The following HSD17B3 variants were observed in gnomAD, a reference collection of about 807,000 sequenced individuals.
HSD17B3 encodes the protein hydroxysteroid 17-beta dehydrogenase 3.
HSD17B3 carries 29 observed loss-of-function variants against 41.1 expected under a neutral mutation model. The ratio of observed to expected loss-of-function variants is 0.71; its 90% CI spans 0.53 to 0.96. HSD17B3 has a LOEUF of 0.96. Among genes scored for constraint, HSD17B3 ranks in the 40% least tolerant of loss-of-function variants. The probability of loss-of-function intolerance (pLI) is 0.00; values close to 1 mark genes in which losing one functional copy is unlikely to be tolerated. For missense variants in HSD17B3, 323 were observed against 374.6 expected (o/e 0.86, Z 1.14); for synonymous variants, 126 against 145.6 (o/e 0.87, Z 0.97).
chr9:96,288,116 C>T (rs532422902), intron 2 of HSD17B3, among the ~76,000 whole-genome samples: 81 of 152,264 alleles, frequency 5.3e-4, no homozygotes, highest in Admixed American at 6.5e-4. Flanking sequence ...CAGCCTAGGG[C>T]TAGGGATAGG....
chr9:96,277,220 T>C (rs945634192), intron 2 of HSD17B3, among the ~76,000 whole-genome samples: 14 of 141,346 alleles, frequency 9.9e-5, no homozygotes, highest in Admixed American at 4.9e-4. Context: ...AGAAAGAAAA[T>C]GCATCAAACT....
rs911099448 is a variant in HSD17B3, at chr9:96,254,779, G to A, written c.277+89C>T. ...TGCCCCAGGCTCTGAGAGCAGATGTGGGGATGCCAAGTACATCAACTGGCA... is the reference window on the plus strand; with the variant it reads ...TGCCCCAGGCTCTGAGAGCAGATGTAGGGATGCCAAGTACATCAACTGGCA... On this transcript the variant is annotated intron_variant, in intron 3 of 10. Coordinates refer to ENST00000375263, the MANE Select transcript of HSD17B3 (RefSeq NM_000197.2). 30 of 1,104,682 alleles carry A rather than the reference G, an allele frequency of 2.7e-5. No homozygotes were observed. In the Admixed American group the frequency reaches 4.0e-4, roughly 15 times the overall value. 68.4% of individuals were successfully genotyped at this position (1,104,682 alleles called of 1,614,324 possible).
chr9:96,248,906 CAT>C (rs1836780444), intron 6 of HSD17B3, among the ~76,000 whole-genome samples: 1 of 145,884 alleles, frequency 6.9e-6, no homozygotes, highest in African/African-American at 2.5e-5. Context: ...GATCCACAGC[CAT>C]TTTTTTTTTT....
chr9:96,258,895 A>C (rs1825761474), intron 2 of HSD17B3, among the ~76,000 whole-genome samples: 1 of 152,208 alleles, frequency 6.6e-6, no homozygotes, highest in African/African-American at 2.4e-5. Flanking sequence ...CAATTTCAGC[A>C]GTTTAACACA....
At chr9:96,253,580 C>T (rs867474591) in intron 3 of HSD17B3, among the ~76,000 whole-genome samples, 3 of 152,112 alleles carry the variant, frequency 2.0e-5, no homozygotes, top group Non-Finnish European at 4.4e-5. Context: ...CAAGACCATC[C>T]ACTCTCTGGT....
At chr9:96,290,173 C>T (rs958765714) in intron 2 of HSD17B3, among the ~76,000 whole-genome samples, 3 of 152,120 alleles carry the variant, frequency 2.0e-5, no homozygotes, top group African/African-American at 4.8e-5. Context: ...CCATCCCTCT[C>T]CACAATTTTT....
At chr9:96,286,179 A>T (rs1354495442) in intron 2 of HSD17B3, among the ~76,000 whole-genome samples, 11 of 152,160 alleles carry the variant, frequency 7.2e-5, no homozygotes, top group Admixed American at 7.2e-4. Context: ...CTCCATCTCT[A>T]CTAAAACTAC....
intron 2 of HSD17B3, among the ~76,000 whole-genome samples, chr9:96,291,655 A>G (rs1827163468): frequency 6.6e-6 from 1 of 152,168 alleles, no homozygotes; most frequent in Non-Finnish European, 1.5e-5. Flanking sequence ...CAAGGTTTGG[A>G]GCATAAAAAT....
intron 1 of HSD17B3, among the ~76,000 whole-genome samples, chr9:96,301,713 A>G (rs1827616656): frequency 6.7e-6 from 1 of 150,010 alleles, no homozygotes; most frequent in African/African-American, 2.5e-5. Flanking sequence ...TCTGTCTCAA[A>G]AAAAAAAAAA....
At chr9:96,281,960 G>A (rs1001544009) in intron 2 of HSD17B3, among the ~76,000 whole-genome samples, 4 of 152,134 alleles carry the variant, frequency 2.6e-5, no homozygotes, top group African/African-American at 9.7e-5. Flanking sequence ...TTGATTAATG[G>A]GAAAAAGGAT....
chr9:96,255,044 G>C (rs974374582), intron 2 of HSD17B3, 101 bp from the exon 3 acceptor site: 21 of 964,840 alleles, frequency 2.2e-5, no homozygotes, highest in African/African-American at 3.2e-5. Flanking sequence ...ATACTGGCAG[G>C]GTGACATGGT....
chr9:96,293,436 C>T (rs542640297), intron 2 of HSD17B3, among the ~76,000 whole-genome samples: 29 of 151,558 alleles, frequency 1.9e-4, no homozygotes, highest in African/African-American at 6.4e-4. Flanking sequence ...GGGTCTCCAA[C>T]CTGCCAGCCT....
chr9:96,282,525 G>T (rs906958261), intron 2 of HSD17B3, among the ~76,000 whole-genome samples: 1 of 152,074 alleles, frequency 6.6e-6, no homozygotes, highest in Non-Finnish European at 1.5e-5. Flanking sequence ...CTACTTTGGC[G>T]CATTAGTTCT....
chr9:96,295,426 C>T (rs1827322986), intron 2 of HSD17B3, among the ~76,000 whole-genome samples: 1 of 151,978 alleles, frequency 6.6e-6, no homozygotes. Flanking sequence ...CCTCCACCTC[C>T]TGGGTTCAAG....
chr9:96,262,401 G>A (rs986412085), intron 2 of HSD17B3, among the ~76,000 whole-genome samples: 7 of 151,496 alleles, frequency 4.6e-5, no homozygotes, highest in East Asian at 1.9e-4. Context: ...CCACCACCAC[G>A]ACTGGCTAAT....
chr9:96,261,267 C>T (rs577311757), intron 2 of HSD17B3, among the ~76,000 whole-genome samples: 2 of 151,902 alleles, frequency 1.3e-5, no homozygotes, highest in African/African-American at 4.8e-5. Flanking sequence ...ATGATGTTGG[C>T]TCACTGCAAC....
At chr9:96,275,900 A>C (rs553113168) in intron 2 of HSD17B3, among the ~76,000 whole-genome samples, 1 of 152,160 alleles carries the variant, frequency 6.6e-6, no homozygotes, top group Admixed American at 6.5e-5. Flanking sequence ...CTCACCTATC[A>C]ATAATTATAT....
chr9:96,295,587 G>A (rs547888751), intron 2 of HSD17B3, among the ~76,000 whole-genome samples: 238 of 152,110 alleles, frequency 1.6e-3, no homozygotes, highest in African/African-American at 5.4e-3. Flanking sequence ...CACCCTCCTC[G>A]GCCTCCCAAA....
intron 2 of HSD17B3, among the ~76,000 whole-genome samples, chr9:96,279,014 C>A (rs1369667404): frequency 6.6e-6 from 1 of 152,186 alleles, no homozygotes; most frequent in African/African-American, 2.4e-5. Context: ...TGGATACAGT[C>A]AACCTTCTAG....
Sources: allele counts gnomAD v4.1 joint callset (sites outside exome capture counted in the v4.1 genomes callset), GRCh38; gene constraint gnomAD v4.1.1; transcripts MANE v1.5; gene names NCBI Gene and HGNC (gene_info 2026-07-23, HGNC 2026-07-21).